FARP2: variants seen among roughly 807,000 people sequenced by gnomAD.
FARP2 encodes FERM, ARH/RhoGEF and pleckstrin domain protein 2.
In FARP2, 111 loss-of-function variants were observed where a neutral mutation model predicts 130.5. The ratio of observed to expected loss-of-function variants is 0.85; its 90% CI spans 0.73 to 1.00. The LOEUF (loss-of-function observed/expected upper bound fraction) is 1.00. FARP2 is among the 50% of genes least tolerant of loss of function. The pLI, the probability that FARP2 is intolerant of heterozygous loss-of-function variation, is 0.00. For synonymous variants in FARP2, 504 were observed against 516.9 expected (o/e 0.98, Z 0.34); for missense variants, 1,385 against 1,346.3 (o/e 1.03, Z -0.45).
chr2:241,492,351 G>A (rs2064950209), intron 24 of FARP2, among the ~76,000 whole-genome samples: 1 of 152,200 alleles, frequency 6.6e-6, no homozygotes, highest in East Asian at 1.9e-4. Flanking sequence ...CTTATGGCCA[G>A]TCCAGGACAC....
At chr2:241,414,976 G>C (rs978949841) in intron 7 of FARP2, among the ~76,000 whole-genome samples, 1 of 152,236 alleles carries the variant, frequency 6.6e-6, no homozygotes, top group African/African-American at 2.4e-5. Context: ...ACTGATACTG[G>C]AGAGGCTGTA....
intron 2 of FARP2, among the ~76,000 whole-genome samples, chr2:241,378,870 G>GT (rs531641422): frequency 8.5e-5 from 13 of 152,280 alleles, no homozygotes; most frequent in East Asian, 5.8e-4. Context: ...TCAGTGACTA[G>GT]TTTTTTTATC....
At chr2:241,418,974 A>G (rs946383033) in intron 8 of FARP2, among the ~76,000 whole-genome samples, 2 of 152,120 alleles carry the variant, frequency 1.3e-5, no homozygotes, top group African/African-American at 2.4e-5. Flanking sequence ...GGTCTCCTCA[A>G]TGCTGAATAT....
intron 17 of FARP2, chr2:241,466,579 G>T: frequency 1.0e-6 from 1 of 985,008 alleles, no homozygotes; most frequent in Non-Finnish European, 1.2e-6. Context: ...GAAGCCTAGC[G>T]AGTGTGGATG....
chr2:241,363,724 C>T (rs900840818), intron 1 of FARP2, among the ~76,000 whole-genome samples: 8 of 152,224 alleles, frequency 5.3e-5, no homozygotes, highest in Admixed American at 5.2e-4. Context: ...GACACTGATA[C>T]CATGTTCTAC....
intron 1 of FARP2, chr2:241,372,797 G>A (rs1004126492): frequency 7.6e-5 from 13 of 170,148 alleles, no homozygotes; most frequent in African/African-American, 2.1e-4. Flanking sequence ...GATGTCACTC[G>A]TTTGTGAGGT....
intron 2 of FARP2, among the ~76,000 whole-genome samples, chr2:241,388,398 C>T (rs1275515417): frequency 6.6e-6 from 1 of 152,160 alleles, no homozygotes; most frequent in Non-Finnish European, 1.5e-5. Flanking sequence ...AATTTGGACC[C>T]CTACTTCACA....
At chr2:241,364,288 C>T (rs2061255523) in intron 1 of FARP2, among the ~76,000 whole-genome samples, 1 of 152,200 alleles carries the variant, frequency 6.6e-6, no homozygotes, top group Admixed American at 6.5e-5. Context: ...AGCTGACAGC[C>T]AGCAAGAACT....
intron 2 of FARP2, among the ~76,000 whole-genome samples, chr2:241,388,916 G>A (rs1352966512): frequency 6.6e-6 from 1 of 152,164 alleles, no homozygotes; most frequent in Non-Finnish European, 1.5e-5. Context: ...GGTGGTATTT[G>A]GAGATAGGAC....
chr2:241,418,511 G>A (rs1157598590), intron 8 of FARP2, among the ~76,000 whole-genome samples: 1 of 152,180 alleles, frequency 6.6e-6, no homozygotes, highest in Non-Finnish European at 1.5e-5. Context: ...TGCTGTGGAT[G>A]TGATCTGGGC....
At position 241,396,587 on chromosome 2, in the gene FARP2, T is replaced by G. The variant is rs372479846; in HGVS notation, c.184-7241T>G. Among the ~76,000 whole-genome samples, 19 of 152,300 alleles carry G rather than the reference T, an allele frequency of 1.2e-4. No homozygotes were observed. The East Asian group carries it at 2.9e-3, about 23-fold the overall frequency. ...AGCCAACAAACACATGAAAAAATGC[T>G]CATCATCACTGGCCATCAGAGAAAT... is the stretch of plus-strand genomic sequence containing the variant. On this transcript the variant is annotated intron_variant, in intron 2 of 26. Transcript: ENST00000264042.
chr2:241,453,884 A>G (rs1293410696), intron 13 of FARP2, among the ~76,000 whole-genome samples: 3 of 145,132 alleles, frequency 2.1e-5, no homozygotes, highest in African/African-American at 7.7e-5. Context: ...CCCGGGTTCA[A>G]GCAATTCTCC....
At chr2:241,362,957 G>A (rs2061222876) in intron 1 of FARP2, among the ~76,000 whole-genome samples, 2 of 152,226 alleles carry the variant, frequency 1.3e-5, no homozygotes, top group African/African-American at 2.4e-5. Context: ...GGTGGAGGGA[G>A]CATACTCCAT....
intron 8 of FARP2, among the ~76,000 whole-genome samples, chr2:241,426,168 A>C (rs1356952478): frequency 6.6e-6 from 1 of 152,018 alleles, no homozygotes; most frequent in Admixed American, 6.6e-5. Flanking sequence ...CTGCCAAGAG[A>C]GCATCCACCA....
intron 1 of FARP2, among the ~76,000 whole-genome samples, chr2:241,362,588 C>A (rs1220522178): frequency 6.6e-6 from 1 of 151,946 alleles, no homozygotes; most frequent in African/African-American, 2.4e-5. Flanking sequence ...GGTGACAGAG[C>A]AAGACTCCAT....
intron 2 of FARP2, among the ~76,000 whole-genome samples, chr2:241,397,199 G>A (rs62193213): frequency 0.11 from 16,801 of 152,176 alleles, 1,180 homozygotes; most frequent in Non-Finnish European, 0.15. Context: ...CGAGGGGAGG[G>A]AGGAGGGATA....
chr2:241,457,828 A>T (rs541602586), intron 14 of FARP2, among the ~76,000 whole-genome samples: 7 of 151,496 alleles, frequency 4.6e-5, no homozygotes, highest in Non-Finnish European at 7.4e-5. Flanking sequence ...TGGGCGGGAG[A>T]CCCCGTGTCG....
rs771008767 is a variant in FARP2, at chr2:241,462,507, T to C, written c.1588-16T>C. On this transcript the variant is annotated splice_polypyrimidine_tract_variant and intron_variant, in intron 14 of 26. Coordinates refer to ENST00000264042, the MANE Select transcript of FARP2 (RefSeq NM_014808.4). ...TGTCCCAGGGACGCACACTTACAGC[T>C]CTCTGCTTCTTTCAGCGCGTGCCTG... 4.4e-6 allele frequency: 7 copies of C among 1,602,570 alleles called. No individual in the cohort carries two copies. The South Asian group carries it at 5.5e-5, about 13-fold the overall frequency.
At position 241,409,717 on chromosome 2, in the gene FARP2, G is replaced by T. The variant is rs556967315; in HGVS notation, c.411-1316G>T. Among the ~76,000 whole-genome samples the T allele has an allele frequency of 4.1e-4, 62 of 152,272 alleles. 1 individual carries two copies. Among genetic ancestry groups the T allele is most frequent in the African/African-American group, 1.3e-3 (54 of 41,552 alleles). Reference sequence around the variant, plus strand: ...CAAATGTTATAAAACAATATCAAATGATACGTATTGAACTGTAGGTTGATT... The same window carrying T: ...CAAATGTTATAAAACAATATCAAATTATACGTATTGAACTGTAGGTTGATT... On this transcript the variant is annotated intron_variant, in intron 5 of 26. Transcript: ENST00000264042.
Sources: allele counts gnomAD v4.1 joint callset (sites outside exome capture counted in the v4.1 genomes callset), GRCh38; gene constraint gnomAD v4.1.1; transcripts MANE v1.5; gene names NCBI Gene and HGNC (gene_info 2026-07-23, HGNC 2026-07-21).